ANXA4: variants seen among roughly 807,000 people sequenced by gnomAD.
ANXA4 encodes 35-beta calcimedin.
A neutral mutation model predicts 49.8 loss-of-function variants in ANXA4; 39 were observed. The observed-to-expected ratio is 0.78, with a 90% CI of 0.61 to 1.02. ANXA4 has a LOEUF of 1.02. ANXA4 is among the 50% of genes least tolerant of loss of function. The pLI is 0.00. For missense variants in ANXA4, 360 were observed against 410.1 expected, an observed-to-expected ratio of 0.88 and a Z score of 1.05; for synonymous variants, 134 against 152.5, an observed-to-expected ratio of 0.88 and a Z score of 0.89.
intron 2 of ANXA4, among the ~76,000 whole-genome samples, chr2:69,667,228 A>T (rs911592903): frequency 5.9e-5 from 9 of 152,120 alleles, no homozygotes; most frequent in Non-Finnish European, 1.2e-4. Flanking sequence ...AAGTGATACA[A>T]GTGTTCCAAA....
chr2:69,680,398 T>G (rs1677554152), intron 2 of ANXA4, among the ~76,000 whole-genome samples: 1 of 152,236 alleles, frequency 6.6e-6, no homozygotes, highest in Non-Finnish European at 1.5e-5. Context: ...CTAAAAGTTT[T>G]TGGGTGCACC....
In ANXA4 at chr2:69,732,830, T is replaced by G. The variant is rs72903015; in HGVS notation, n.864+11959T>G. Among the ~76,000 whole-genome samples, 1,081 of 152,286 alleles carry G rather than the reference T, an allele frequency of 7.1e-3. 16 individuals are homozygous for G. Among genetic ancestry groups the G allele is most frequent in the African/African-American group, 0.024 (1,009 of 41,548 alleles). ...AGTCAAGAAGCGGTGCTGATCGAAG[T>G]CATGTTGCTTATCAGTTACCTTGCT... is the stretch of plus-strand genomic sequence containing the variant. On this transcript the variant is annotated intron_variant and non_coding_transcript_variant, in intron 3 of 3. Transcript: ENST00000418066.
rs1674306576 is a variant in ANXA4 at position 69,822,926 on chromosome 2, A to T, written c.906+2105A>T. Among the ~76,000 whole-genome samples, 5 of 151,972 alleles carry T rather than the reference A, an allele frequency of 3.3e-5. No individual in the cohort carries two copies. In the South Asian group the frequency reaches 1.0e-3, roughly 32 times the overall value. On this transcript the variant is annotated intron_variant, in intron 12 of 12. Coordinates refer to ENST00000394295, the MANE Select transcript of ANXA4 (RefSeq NM_001153.5). ...ACAAATTATATATATATATTTTTTT[A>T]CCACAAGAAAAAGTCTCTGAATTTG... is the stretch of plus-strand genomic sequence containing the variant.
At chr2:69,753,927 A>G (rs1407827972) in intron 1 of ANXA4, among the ~76,000 whole-genome samples, 1 of 152,226 alleles carries the variant, frequency 6.6e-6, no homozygotes, top group East Asian at 1.9e-4. Flanking sequence ...ACCAGCTCTC[A>G]TAGGTGGGGT....
intron 1 of ANXA4, among the ~76,000 whole-genome samples, chr2:69,774,326 AGC>A (rs1491536003): frequency 1.8e-4 from 15 of 82,042 alleles, no homozygotes; most frequent in African/African-American, 6.9e-4. Flanking sequence ...ATGTAAAAGG[AGC>A]CCCCCCCCCC....
intron 2 of ANXA4, among the ~76,000 whole-genome samples, chr2:69,687,488 A>G (rs1327575403): frequency 6.6e-6 from 1 of 152,092 alleles, no homozygotes; most frequent in Non-Finnish European, 1.5e-5. Flanking sequence ...AGCCTAGGCA[A>G]CAGAGCAAGA....
intron 1 of ANXA4, among the ~76,000 whole-genome samples, chr2:69,757,183 C>T (rs1265453585): frequency 6.8e-6 from 1 of 146,864 alleles, no homozygotes; most frequent in African/African-American, 2.5e-5. Context: ...CCCGCCTCAG[C>T]CTCCCAAAAT....
chr2:69,779,304 A>G (rs1008150658), intron 1 of ANXA4, among the ~76,000 whole-genome samples: 4 of 152,228 alleles, frequency 2.6e-5, no homozygotes, highest in East Asian at 1.9e-4. Context: ...TGTGTCGTCT[A>G]TCTCTCCTGG....
chr2:69,812,360 G>A (rs1673744473), intron 7 of ANXA4, among the ~76,000 whole-genome samples: 2 of 152,238 alleles, frequency 1.3e-5, no homozygotes, highest in South Asian at 2.1e-4. Context: ...GTGGGGTGGT[G>A]GGGGAGGCCA....
intron 2 of ANXA4, among the ~76,000 whole-genome samples, chr2:69,704,290 CG>C (rs1678421475): frequency 6.6e-6 from 1 of 152,058 alleles, no homozygotes; most frequent in African/African-American, 2.4e-5. Flanking sequence ...TATTTTCTAA[CG>C]AGCCATTTTG....
At chr2:69,807,302 G>A (rs1234653105) in intron 5 of ANXA4, among the ~76,000 whole-genome samples, 1 of 152,090 alleles carries the variant, frequency 6.6e-6, no homozygotes, top group Non-Finnish European at 1.5e-5. Flanking sequence ...GGGGCCTCCA[G>A]GTCTACTATA....
chr2:69,757,224 C>T (rs1671072069), intron 1 of ANXA4, among the ~76,000 whole-genome samples: 1 of 139,320 alleles, frequency 7.2e-6, no homozygotes, highest in African/African-American at 2.6e-5. Context: ...CCACCGTGCC[C>T]AGCCATTTTT....
intron 2 of ANXA4, among the ~76,000 whole-genome samples, chr2:69,674,514 A>T (rs1677323114): frequency 6.6e-6 from 1 of 152,218 alleles, no homozygotes; most frequent in South Asian, 2.1e-4. Context: ...ATAAAGAATT[A>T]TGAATTGATA....
At position 69,820,482 on chromosome 2, in the gene ANXA4, C is replaced by T. The variant is rs975668112; in HGVS notation, c.784-217C>T. The stretch of plus-strand genomic sequence containing the variant: ...GTTATGGCTCTAGAAAAGCAGGGAA[C>T]GGCATCCTGTGGTCAGAACATAGAG... On this transcript the variant is annotated intron_variant, in intron 11 of 12. Transcript: ENST00000394295. Among the ~76,000 whole-genome samples, 6 of 152,072 alleles carry T rather than the reference C, an allele frequency of 3.9e-5. No homozygotes were observed. The East Asian group carries it at 5.8e-4, about 15-fold the overall frequency.
intron 2 of ANXA4, among the ~76,000 whole-genome samples, chr2:69,681,395 C>T (rs1677594398): frequency 6.9e-6 from 1 of 144,566 alleles, no homozygotes; most frequent in Non-Finnish European, 1.5e-5. Flanking sequence ...AACAAGGTCT[C>T]ACTCTGTTGC....
Position 69,750,691 on chromosome 2 carries a change from AG to A in ANXA4, c.-47+8517del, listed in dbSNP as rs554972046. Among the ~76,000 whole-genome samples the A allele has an allele frequency of 2.6e-5, 4 of 152,314 alleles. No homozygotes were observed. In the East Asian group the frequency reaches 7.7e-4, roughly 29 times the overall value. Reference sequence around the variant, plus strand: ...AGCCTCCCAAAGTGCTGGGATGACAAGCATGAGCCATGGTGCCTGACCTAGC... The same window carrying A: ...AGCCTCCCAAAGTGCTGGGATGACAACATGAGCCATGGTGCCTGACCTAGC... On this transcript the variant is annotated intron_variant, in intron 1 of 12. Transcript: ENST00000394295.
intron 2 of ANXA4, among the ~76,000 whole-genome samples, chr2:69,681,564 C>A (rs1053967423): frequency 6.6e-5 from 10 of 152,136 alleles, no homozygotes; most frequent in Admixed American, 5.9e-4. Context: ...GGGGTTTCAC[C>A]ATGTTGGTCC....
intron 2 of ANXA4, among the ~76,000 whole-genome samples, chr2:69,707,439 C>T (rs1398160895): frequency 2.0e-5 from 3 of 152,206 alleles, no homozygotes; most frequent in Non-Finnish European, 4.4e-5. Flanking sequence ...TGATTCCTCC[C>T]AATTACTGTT....
At chr2:69,777,083 T>A (rs552002312) in intron 1 of ANXA4, among the ~76,000 whole-genome samples, 1 of 152,278 alleles carries the variant, frequency 6.6e-6, no homozygotes, top group East Asian at 1.9e-4. Context: ...AACAGCCAAA[T>A]GGAAGAATGC....
Sources: allele counts gnomAD v4.1 joint callset (sites outside exome capture counted in the v4.1 genomes callset), GRCh38; gene constraint gnomAD v4.1.1; transcripts MANE v1.5; gene names NCBI Gene and HGNC (gene_info 2026-07-23, HGNC 2026-07-21).